Variants in DOCK7 observed in about 807,000 individuals in gnomAD.
The protein encoded by DOCK7 is dedicator of cytokinesis protein 7.
In DOCK7, 138 loss-of-function variants were observed where a neutral mutation model predicts 271.0. The ratio of observed to expected loss-of-function variants is 0.51; its 90% CI spans 0.44 to 0.59. The LOEUF is 0.59. Ranked by LOEUF, DOCK7 falls within the 20% of genes least tolerant of loss-of-function variation. The pLI is 0.00. For synonymous variants in DOCK7, 823 were observed against 876.1 expected, an observed-to-expected ratio of 0.94 and a Z score of 1.07; for missense variants, 2,066 against 2,592.4, an observed-to-expected ratio of 0.80 and a Z score of 4.41.
At chr1:62,654,869 T>C (rs1319721250) in intron 2 of DOCK7, among the ~76,000 whole-genome samples, 1 of 152,032 alleles carries the variant, frequency 6.6e-6, no homozygotes, top group Non-Finnish European at 1.5e-5. Context: ...ATCCTGGCCT[T>C]GAAGATAGAG....
chr1:62,495,199 T>C (rs1198891219), intron 39 of DOCK7: 2 of 153,698 alleles, frequency 1.3e-5, no homozygotes, highest in Non-Finnish European at 2.9e-5. Flanking sequence ...TTTTTGATAA[T>C]CAATAAGTAC....
chr1:62,578,457 C>T (rs967082414), intron 17 of DOCK7, among the ~76,000 whole-genome samples: 8 of 152,076 alleles, frequency 5.3e-5, no homozygotes, highest in Non-Finnish European at 1.0e-4. Context: ...CCATGGCTCA[C>T]GCCTGTAATC....
intron 41 of DOCK7, among the ~76,000 whole-genome samples, chr1:62,489,634 CAT>C (rs1459127744): frequency 6.6e-6 from 1 of 152,062 alleles, no homozygotes; most frequent in Non-Finnish European, 1.5e-5. Flanking sequence ...TATACATACA[CAT>C]ATGTGCATAT....
chr1:62,498,622 T>C (rs1376304459), intron 37 of DOCK7, among the ~76,000 whole-genome samples: 6 of 146,372 alleles, frequency 4.1e-5, no homozygotes, highest in Non-Finnish European at 9.0e-5. Context: ...CTTCTCCCAC[T>C]AGGTGCCAAG....
chr1:62,683,049 AC>A (rs1302607238), intron 1 of DOCK7, among the ~76,000 whole-genome samples: 1 of 152,212 alleles, frequency 6.6e-6, no homozygotes, highest in Non-Finnish European at 1.5e-5. Context: ...GTAGTCCCAA[AC>A]TTTTCAGTAA....
intron 19 of DOCK7, 82 bp from the exon 20 acceptor site, chr1:62,559,302 A>G: frequency 2.0e-6 from 2 of 979,874 alleles, no homozygotes; most frequent in East Asian, 2.6e-5. Flanking sequence ...GACCACAAAC[A>G]TGTCATATTA....
chr1:62,466,828 C>T (rs939740798), intron 48 of DOCK7, among the ~76,000 whole-genome samples: 4 of 151,760 alleles, frequency 2.6e-5, no homozygotes, highest in South Asian at 4.2e-4. Flanking sequence ...GGCTGAGGCA[C>T]GAGAATCACT....
intron 16 of DOCK7, among the ~76,000 whole-genome samples, chr1:62,581,096 T>C (rs1386513909): frequency 6.6e-6 from 1 of 152,144 alleles, no homozygotes; most frequent in Non-Finnish European, 1.5e-5. Context: ...TGCCGACCCC[T>C]GGTATACAGC....
rs762321470 is a variant in DOCK7 at position 62,475,878 on chromosome 1, GGT to G, written c.5788_5789del (p.Thr1930LeufsTer29). The G allele has an allele frequency of 6.2e-7, 1 of 1,614,026 alleles. No individual in the cohort carries two copies. ...FDTYEMKDRI[T>X]YFDKNYNLRR... The stretch of plus-strand genomic sequence containing the variant: ...GAAGATTGTAATTTTTGTCGAAATA[GGT>G]GATTCTGTCCTTCATCTCATATGTG... On this transcript the variant is annotated frameshift_variant, in exon 46 of 50. Coordinates refer to ENST00000635253, the MANE Select transcript of DOCK7 (RefSeq NM_001367561.1). LOFTEE classifies it high-confidence loss of function.
At chr1:62,648,039 T>C (rs1229698192) in intron 6 of DOCK7, 67 bp downstream of exon 6, 3 of 1,438,936 alleles carry the variant, frequency 2.1e-6, no homozygotes, top group Non-Finnish European at 1.9e-6. Flanking sequence ...TAATACTATA[T>C]ATCAATCATA....
chr1:62,466,246 C>T lies in DOCK7; in HGVS notation c.6212+7736G>A, dbSNP rs1410659775. Among the ~76,000 whole-genome samples, 4 of 151,264 alleles carry T rather than the reference C, an allele frequency of 2.6e-5. No individual in the cohort carries two copies. In the East Asian group the frequency reaches 5.8e-4, roughly 22 times the overall value. ...CAGATTTTTAATGCAGATAAAAGTG[C>T]CCTATTTAGAAAAAAAAATGCCACA... is the stretch of plus-strand genomic sequence containing the variant. On this transcript the variant is annotated intron_variant, in intron 48 of 49. Coordinates refer to ENST00000635253, the MANE Select transcript of DOCK7 (RefSeq NM_001367561.1).
intron 42 of DOCK7, chr1:62,488,700 T>TG: frequency 2.1e-6 from 1 of 473,526 alleles, no homozygotes; most frequent in Non-Finnish European, 3.7e-6. Flanking sequence ...AATTCAAAAA[T>TG]GAAAAAAAAA....
In DOCK7 at chr1:62,625,273, T is replaced by G; in HGVS notation, c.1411A>C (p.Asn471His). ...SFRPATLTVT[N>H]FFKQEGDRLS... ...CAGAACAATACCTGCTTAAAAAAAT[T>G]TGTCACTGTGAGAGTAGCTGGTCGA... The change falls in exon 12 of 50, where the codon AAT becomes CAT. Residue 471 changes from asparagine to histidine, a missense_variant. Around this residue, in one of 2 missense-constraint regions of DOCK7, gnomAD observed 1,414 missense variants for 1,670.4 expected, o/e 0.85. Coordinates refer to ENST00000635253, the MANE Select transcript of DOCK7 (RefSeq NM_001367561.1). 1 of 1,613,840 alleles carries G rather than the reference T, an allele frequency of 6.2e-7. No homozygotes were observed. Among genetic ancestry groups the G allele is most frequent in the Non-Finnish European group, 8.5e-7 (1 of 1,179,914 alleles).
chr1:62,468,360 C>CAAATAAA (rs1645739442), intron 48 of DOCK7, among the ~76,000 whole-genome samples: 1 of 93,082 alleles, frequency 1.1e-5, no homozygotes. Context: ...GACTCTGTCT[C>CAAATAAA]AAAAAAAAAA....
At chr1:62,529,005 T>C (rs965620087) in intron 30 of DOCK7, among the ~76,000 whole-genome samples, 6 of 152,222 alleles carry the variant, frequency 3.9e-5, no homozygotes, top group African/African-American at 9.6e-5. Flanking sequence ...GTATACTGCA[T>C]GTTCACACAA....
rs112290332 is a variant in DOCK7, at chr1:62,466,194, T to G, written c.6212+7788A>C. On this transcript the variant is annotated intron_variant, in intron 48 of 49. Coordinates refer to ENST00000635253, the MANE Select transcript of DOCK7 (RefSeq NM_001367561.1). ...GAATATTTGCCTGAACAGGTTTTTT[T>G]TTGTTGTTGTTGTTGTTTTTTCTGA... Among the ~76,000 whole-genome samples, 294 of 152,258 alleles carry G rather than the reference T, an allele frequency of 1.9e-3. 1 individual carries two copies. The highest frequency in any genetic ancestry group is 4.5e-3 in the African/African-American group (185 of 41,552).
chr1:62,669,546 A>G (rs1286434641), intron 1 of DOCK7, among the ~76,000 whole-genome samples: 3 of 152,238 alleles, frequency 2.0e-5, no homozygotes, highest in African/African-American at 7.2e-5. Flanking sequence ...CATTTCTGCC[A>G]TTCAAGAAAT....
At chr1:62,475,470 TA>T (rs1328867536) in intron 46 of DOCK7, 119 bp from the exon 47 acceptor site, 17 of 1,295,442 alleles carry the variant, frequency 1.3e-5, no homozygotes, top group Non-Finnish European at 1.8e-5. Flanking sequence ...CATGTAACAA[TA>T]AAATTCCAAA....
At chr1:62,599,921 A>T (rs578095555) in intron 14 of DOCK7, among the ~76,000 whole-genome samples, 2 of 152,154 alleles carry the variant, frequency 1.3e-5, no homozygotes, top group South Asian at 4.1e-4. Context: ...ACTCTCAAAC[A>T]GCTATTCAAG....
Sources: gnomAD v4.1 joint callset for allele counts (sites outside exome capture counted in the v4.1 genomes callset) on GRCh38, gnomAD v4.1.1 for gene constraint, gnomAD v4.1.1 regional missense constraint, MANE v1.5 for transcripts, NCBI Gene and HGNC (gene_info 2026-07-23, HGNC 2026-07-21) for gene names.